SLC38A2: variants seen among roughly 807,000 people sequenced by gnomAD.
SLC38A2 encodes the protein solute carrier family 38 member 2, also known as sodium-coupled neutral amino acid symporter 2.
In SLC38A2, 11 loss-of-function variants were observed where a neutral mutation model predicts 61.5. The observed-to-expected ratio is 0.18, with a 90% CI of 0.11 to 0.30. The LOEUF (loss-of-function observed/expected upper bound fraction) is 0.30, where lower values mean the gene tolerates loss of function less well. Among genes scored for constraint, SLC38A2 ranks in the 10% least tolerant of loss-of-function variants. The probability of loss-of-function intolerance (pLI) is 1.00; values close to 1 mark genes in which losing one functional copy is unlikely to be tolerated. For missense variants in SLC38A2, 522 were observed against 600.4 expected (o/e 0.87, Z 1.36); for synonymous variants, 217 against 212.5 (o/e 1.02, Z -0.18).
intron 12 of SLC38A2, 96 bp from the exon 13 acceptor site, chr12:46,363,241 T>A: frequency 2.2e-6 from 3 of 1,334,058 alleles, no homozygotes; most frequent in Non-Finnish European, 3.1e-6. Flanking sequence ...ATTTAGCTAC[T>A]CACAAAACGA....
At chr12:46,370,395 T>C in intron 4 of SLC38A2, 117 bp downstream of exon 4, 1 of 744,530 alleles carries the variant, frequency 1.3e-6, no homozygotes, top group Non-Finnish European at 2.3e-6. Context: ...ACTTTTAATT[T>C]TAAGCAAGTA....
Position 46,363,699 on chromosome 12 carries a change from T to C in SLC38A2, c.1054+27A>G, listed in dbSNP as rs373891405. The C allele has an allele frequency of 2.1e-5, 31 of 1,450,158 alleles. No individual in the cohort carries two copies. The African/African-American group carries it at 4.2e-4, about 19-fold the overall frequency. 89.8% of individuals were successfully genotyped at this position (1,450,158 alleles called of 1,614,324 possible). A position where few individuals can be genotyped will look rare whatever the true frequency, so the allele number is the denominator to read the frequency against. On this transcript the variant is annotated intron_variant, in intron 12 of 15. Transcript: ENST00000256689. ...AAGCGTTTTTTTTTGTTTTTGTTTT[T>C]GTTTTGGTAAAGGAGGCGTTACTTA...
rs768426618 is a variant in SLC38A2, at chr12:46,371,208, G to C, written c.86C>G (p.Ser29Cys). ...SYSSNSDFNY[S>C]YPTKQAALKS... The stretch of plus-strand genomic sequence containing the variant: ...CAGAGCAGCTTGCTTGGTGGGGTAG[G>C]AGTAGTTGAAGTCGCTGTTGGAACT... Residue 29 changes from serine to cysteine, a missense_variant, in exon 2 of 16, where the codon TCC becomes TGC. Around this residue, in one of 3 missense-constraint regions of SLC38A2, gnomAD observed 102 missense variants for 83.1 expected, o/e 1.23. Coordinates refer to ENST00000256689, the MANE Select transcript of SLC38A2 (RefSeq NM_018976.5). 2.5e-6 allele frequency: 4 copies of C among 1,614,118 alleles called. No homozygotes were observed. Among genetic ancestry groups the C allele is most frequent in the Admixed American group, 1.7e-5 (1 of 60,016 alleles).
At chr12:46,365,976 A>G (rs571679446) in intron 7 of SLC38A2, among the ~76,000 whole-genome samples, 2 of 152,170 alleles carry the variant, frequency 1.3e-5, no homozygotes, top group African/African-American at 2.4e-5. Context: ...ACCAACACTT[A>G]AAGATCAGCT....
chr12:46,364,980 G>GT (rs1943124529), intron 8 of SLC38A2, 127 bp downstream of exon 8: 9 of 914,916 alleles, frequency 9.8e-6, no homozygotes, highest in Middle Eastern at 2.2e-4. Flanking sequence ...TTTGCATGCT[G>GT]TAAGTCCCAA....
chr12:46,368,343 T>C (rs146170620), intron 4 of SLC38A2, among the ~76,000 whole-genome samples: 18 of 152,276 alleles, frequency 1.2e-4, no homozygotes, highest in Non-Finnish European at 2.2e-4. Flanking sequence ...TGACTGTCTC[T>C]AAGCCTTTCC....
Position 46,362,493 on chromosome 12 carries a change from C to A in SLC38A2, c.1324+1G>T, listed in dbSNP as rs1272015729. 6.3e-7 allele frequency: 1 copy of A among 1,590,912 alleles called. No homozygotes were observed. The highest frequency in any genetic ancestry group is 8.5e-7 in the Non-Finnish European group (1 of 1,173,728). ...CCACTTGGATACTTTCTAAAACTTACCAATAAAACCAAAGATATCCCTAAT... is the reference window on the plus strand; with the variant it reads ...CCACTTGGATACTTTCTAAAACTTAACAATAAAACCAAAGATATCCCTAAT... On this transcript the variant is annotated splice_donor_variant, in intron 14 of 15. Transcript: ENST00000256689. LOFTEE classifies it high-confidence loss of function.
chr12:46,364,150 T>A (rs1592203627), intron 10 of SLC38A2, 147 bp from the exon 11 acceptor site: 7 of 779,076 alleles, frequency 9.0e-6, no homozygotes, highest in Non-Finnish European at 1.4e-5. Context: ...AATCTGTTCA[T>A]GAAGTATGAT....
rs1166908063 is a variant in SLC38A2, at chr12:46,372,601, CCAA to C, written c.-182_-180del. The C allele has an allele frequency of 1.0e-5, 4 of 398,246 alleles. No homozygotes were observed. The highest frequency in any genetic ancestry group is 4.4e-5 in the Admixed American group (1 of 22,716). 24.7% of individuals were successfully genotyped at this position (398,246 alleles called of 1,614,324 possible). On this transcript the variant is annotated 5_prime_UTR_variant, in exon 1 of 16. Transcript: ENST00000256689. Reference sequence around the variant, plus strand: ...AAACAAACAAAAAATTTCCCCAAATCCAACAACAGGCAGGAAAAATAATTTTAA... The same window carrying C: ...AAACAAACAAAAAATTTCCCCAAATCCAACAGGCAGGAAAAATAATTTTAA...
At chr12:46,370,469 G>GT in intron 4 of SLC38A2, 43 bp downstream of exon 4, 3 of 1,416,232 alleles carry the variant, frequency 2.1e-6, no homozygotes, top group Non-Finnish European at 3.0e-6. Context: ...TTTTACCATA[G>GT]TAACTGCCCT....
intron 15 of SLC38A2, 49 bp from the exon 16 acceptor site, chr12:46,361,258 G>A (rs757469302): frequency 7.0e-7 from 1 of 1,422,456 alleles, no homozygotes; most frequent in African/African-American, 1.4e-5. Context: ...AAACATATAT[G>A]CTAAACATTT....
intron 9 of SLC38A2, 25 bp from the exon 10 acceptor site, chr12:46,364,581 G>A: frequency 6.2e-7 from 1 of 1,600,466 alleles, no homozygotes; most frequent in Non-Finnish European, 8.5e-7. Flanking sequence ...TTTTGCATGT[G>A]TTAAACTAAG....
chr12:46,363,237 C>T, intron 12 of SLC38A2, 92 bp from the exon 13 acceptor site: 1 of 1,387,014 alleles, frequency 7.2e-7, no homozygotes, highest in Non-Finnish European at 1.0e-6. Context: ...AGTTATTTAG[C>T]TACTCACAAA....
Position 46,364,429 on chromosome 12 carries a change from T to C in SLC38A2, c.833A>G (p.Asn278Ser), listed in dbSNP as rs768332013. ...AAAATAGTGAGGTCTGCAAGAGTCA[T>C]TTTCAGTCACGTTATGTGACAAAGC... ...VPALSHNVTENDSCRPHYFIF... is the reference protein window; with the variant it reads ...VPALSHNVTESDSCRPHYFIF... The change falls in exon 10 of 16, where the codon AAT becomes AGT. Residue 278 changes from asparagine (N) to serine (S), a missense_variant. Coordinates refer to ENST00000256689, the MANE Select transcript of SLC38A2 (RefSeq NM_018976.5). 100 of 1,602,076 alleles carry C rather than the reference T, an allele frequency of 6.2e-5. No homozygotes were observed. The highest frequency in any genetic ancestry group is 8.2e-5 in the Non-Finnish European group (97 of 1,176,586).
intron 4 of SLC38A2, among the ~76,000 whole-genome samples, chr12:46,368,275 A>AG (rs1943159775): frequency 6.6e-6 from 1 of 152,230 alleles, no homozygotes; most frequent in Non-Finnish European, 1.5e-5. Flanking sequence ...CAAGGAATAC[A>AG]GGCCCACTAT....
chr12:46,370,397 A>T, intron 4 of SLC38A2, 115 bp downstream of exon 4: 1 of 750,144 alleles, frequency 1.3e-6, no homozygotes, highest in Non-Finnish European at 2.3e-6. Context: ...TTTTAATTTT[A>T]AGCAAGTAAC....
chr12:46,363,682 TTTTTTG>T (rs748981277), intron 12 of SLC38A2, 38 bp downstream of exon 12: 45 of 1,307,364 alleles, frequency 3.4e-5, no homozygotes, highest in South Asian at 5.9e-5. Flanking sequence ...ATAAGCGTTT[TTTTTTG>T]TTTTTGTTTT....
At position 46,360,653 on chromosome 12, in the gene SLC38A2, C is replaced by T. The variant is rs1434936480; in HGVS notation, c.*458G>A. 6.5e-6 allele frequency: 1 copy of T among 153,556 alleles called. No individual in the cohort carries two copies. The highest frequency in any genetic ancestry group is 2.4e-5 in the African/African-American group (1 of 41,428). 9.5% of individuals were successfully genotyped at this position (153,556 alleles called of 1,614,324 possible). ...AAAAGTAAAAGAGTGCTTCTGAGGT[C>T]TTTAAGTATTTTTGGTACAAAAAAT... On this transcript the variant is annotated 3_prime_UTR_variant, in exon 16 of 16. Coordinates refer to ENST00000256689, the MANE Select transcript of SLC38A2 (RefSeq NM_018976.5).
In SLC38A2 at chr12:46,364,540, A is replaced by C. The variant is rs765229383; in HGVS notation, c.722T>G (p.Phe241Cys). Residue 241 changes from phenylalanine (F) to cysteine (C), a missense_variant, in exon 10 of 16, where the codon TTT (phenylalanine) becomes TGT (cysteine). Coordinates refer to ENST00000256689, the MANE Select transcript of SLC38A2 (RefSeq NM_018976.5). ...AGCTTCCACAGGACACGGAACCTGA[A>C]ATTTCTTGCAAATGACCTAAAAATA... ...FFLIVVICKK[F>C]QVPCPVEAAL... 1 of 1,604,062 alleles carries C rather than the reference A, an allele frequency of 6.2e-7. No homozygotes were observed. Among genetic ancestry groups the C allele is most frequent in the South Asian group, 1.1e-5 (1 of 88,710 alleles).
Sources: allele counts gnomAD v4.1 joint callset (sites outside exome capture counted in the v4.1 genomes callset), GRCh38; gene constraint gnomAD v4.1.1; regional missense constraint gnomAD v4.1.1; transcripts MANE v1.5; gene names NCBI Gene and HGNC (gene_info 2026-07-23, HGNC 2026-07-21).